Variants in TRPS1 observed in about 807,000 individuals in gnomAD.
TRPS1 encodes the protein zinc finger transcription factor Trps1.
In TRPS1, 6 loss-of-function variants were observed where a neutral mutation model predicts 101.2. That is an observed-to-expected ratio of 0.06 (90% CI 0.03 to 0.12). The LOEUF is 0.12. Among genes scored for constraint, TRPS1 ranks in the 10% least tolerant of loss-of-function variants. The pLI is 1.00. For synonymous variants in TRPS1, 578 were observed against 589.8 expected, an observed-to-expected ratio of 0.98 and a Z score of 0.29; for missense variants, 1,363 against 1,567.0, an observed-to-expected ratio of 0.87 and a Z score of 2.20.
At chr8:115,533,436 G>GTTTTTTTGTTT (rs1816188433) in intron 5 of TRPS1, among the ~76,000 whole-genome samples, 2 of 34,986 alleles carry the variant, frequency 5.7e-5, no homozygotes, top group African/African-American at 2.1e-4. Flanking sequence ...CATGTAATCT[G>GTTTTTTTGTTT]TTTTTTTTTT....
At position 115,410,105 on chromosome 8, in the gene TRPS1, G is replaced by T. The variant is rs927252525; in HGVS notation, c.*3918C>A. 2 of 151,884 alleles carry T rather than the reference G, an allele frequency of 1.3e-5. No individual in the cohort carries two copies. Among genetic ancestry groups the T allele is most frequent in the African/African-American group, 4.8e-5 (2 of 41,344 alleles). 9.4% of individuals were successfully genotyped at this position (151,884 alleles called of 1,614,324 possible). Reference sequence around the variant, plus strand: ...GCATTAATTTTATTTACTAAACAGGGCAGCAGTTCACAGGTCTCAAGACCG... The same window carrying T: ...GCATTAATTTTATTTACTAAACAGGTCAGCAGTTCACAGGTCTCAAGACCG... On this transcript the variant is annotated 3_prime_UTR_variant, in exon 7 of 7. Coordinates refer to ENST00000395715, the MANE Select transcript of TRPS1 (RefSeq NM_014112.5).
At chr8:115,625,110 A>C (rs1818476782) in intron 1 of TRPS1, among the ~76,000 whole-genome samples, 1 of 151,994 alleles carries the variant, frequency 6.6e-6, no homozygotes, top group African/African-American at 2.4e-5. Context: ...AGGTGAACTA[A>C]AATTTATTTC....
At chr8:115,525,847 T>C (rs1457844662) in intron 5 of TRPS1, among the ~76,000 whole-genome samples, 3 of 152,180 alleles carry the variant, frequency 2.0e-5, no homozygotes, top group Non-Finnish European at 4.4e-5. Flanking sequence ...GAGTTCAAAG[T>C]AGTGGAAATC....
At chr8:115,607,688 A>G (rs569072812) in intron 3 of TRPS1, among the ~76,000 whole-genome samples, 1 of 151,834 alleles carries the variant, frequency 6.6e-6, no homozygotes, top group Non-Finnish European at 1.5e-5. Context: ...AAGCTAATAT[A>G]ATATTAGAAT....
At chr8:115,421,312 T>A (rs1277304006) in intron 5 of TRPS1, among the ~76,000 whole-genome samples, 1 of 152,108 alleles carries the variant, frequency 6.6e-6, no homozygotes, top group Non-Finnish European at 1.5e-5. Context: ...GATTAATAGA[T>A]GCAATTAAAA....
intron 5 of TRPS1, among the ~76,000 whole-genome samples, chr8:115,548,440 C>G (rs1027591455): frequency 6.6e-6 from 1 of 151,992 alleles, no homozygotes; most frequent in Non-Finnish European, 1.5e-5. Flanking sequence ...CAGGTTCAAG[C>G]GATTCTCCTG....
chr8:115,488,054 C>T (rs1443197436), intron 5 of TRPS1, among the ~76,000 whole-genome samples: 1 of 152,114 alleles, frequency 6.6e-6, no homozygotes, highest in Non-Finnish European at 1.5e-5. Context: ...CAAGAAACTG[C>T]CACAGCCACC....
intron 5 of TRPS1, among the ~76,000 whole-genome samples, chr8:115,586,377 A>G (rs1418981140): frequency 6.6e-5 from 10 of 152,150 alleles, no homozygotes; most frequent in Non-Finnish European, 1.5e-4. Context: ...CTTTCCCCCT[A>G]AAAGATCCTG....
At chr8:115,488,931 A>G (rs1814954222) in intron 5 of TRPS1, among the ~76,000 whole-genome samples, 1 of 152,198 alleles carries the variant, frequency 6.6e-6, no homozygotes, top group South Asian at 2.1e-4. Context: ...GTTCTCATAA[A>G]AAGTATGTAA....
chr8:115,419,856 G>T (rs1449981760), intron 5 of TRPS1, among the ~76,000 whole-genome samples: 1 of 152,138 alleles, frequency 6.6e-6, no homozygotes, highest in Non-Finnish European at 1.5e-5. Context: ...TTATGATCTT[G>T]CAATTGCTGA....
chr8:115,520,910 T>C (rs898524903), intron 5 of TRPS1, among the ~76,000 whole-genome samples: 3 of 151,868 alleles, frequency 2.0e-5, no homozygotes, highest in African/African-American at 7.2e-5. Context: ...TTTTAACATA[T>C]GTTTACTCTA....
intron 3 of TRPS1, among the ~76,000 whole-genome samples, chr8:115,617,250 T>G (rs970938671): frequency 2.0e-5 from 3 of 152,240 alleles, no homozygotes; most frequent in Non-Finnish European, 4.4e-5. Flanking sequence ...CTACCACTTT[T>G]TGTCTTCCTC....
At chr8:115,483,767 G>A (rs552941535) in intron 5 of TRPS1, among the ~76,000 whole-genome samples, 1 of 152,242 alleles carries the variant, frequency 6.6e-6, no homozygotes, top group Non-Finnish European at 1.5e-5. Flanking sequence ...AAGCCAGCTA[G>A]AGGTATGTAT....
At chr8:115,488,283 T>C (rs1411304240) in intron 5 of TRPS1, among the ~76,000 whole-genome samples, 1 of 152,270 alleles carries the variant, frequency 6.6e-6, no homozygotes, top group Non-Finnish European at 1.5e-5. Flanking sequence ...ATAACTTTTA[T>C]ATGCACTGAG....
chr8:115,438,085 A>T (rs1185686391), intron 5 of TRPS1, among the ~76,000 whole-genome samples: 2 of 152,236 alleles, frequency 1.3e-5, no homozygotes, highest in Non-Finnish European at 2.9e-5. Context: ...TCAAATTTAA[A>T]AAAATAGGAA....
At chr8:115,559,364 A>G (rs1273735699) in intron 5 of TRPS1, among the ~76,000 whole-genome samples, 3 of 152,160 alleles carry the variant, frequency 2.0e-5, no homozygotes, top group African/African-American at 7.2e-5. Context: ...TTGATACTGC[A>G]TCATTATTTG....
At chr8:115,665,643 A>G (rs575611604) in intron 1 of TRPS1, among the ~76,000 whole-genome samples, 1 of 152,328 alleles carries the variant, frequency 6.6e-6, no homozygotes, top group South Asian at 2.1e-4. Flanking sequence ...ACACGTATGC[A>G]GAAAATTTTA....
intron 5 of TRPS1, among the ~76,000 whole-genome samples, chr8:115,454,211 A>G (rs142180218): frequency 2.7e-3 from 405 of 152,292 alleles, no homozygotes; most frequent in African/African-American, 9.5e-3. Context: ...AGTGTCCTCC[A>G]TGCTGGCTAT....
chr8:115,519,862 A>G (rs951340272), intron 5 of TRPS1, among the ~76,000 whole-genome samples: 1 of 151,686 alleles, frequency 6.6e-6, no homozygotes, highest in African/African-American at 2.4e-5. Flanking sequence ...TGTTTTTCCA[A>G]AACTCTAAAA....
Sources: gnomAD v4.1 joint callset for allele counts (sites outside exome capture counted in the v4.1 genomes callset) on GRCh38, gnomAD v4.1.1 for gene constraint, MANE v1.5 for transcripts, NCBI Gene and HGNC (gene_info 2026-07-23, HGNC 2026-07-21) for gene names.